The following FRAS1 variants were observed in gnomAD, a reference collection of about 807,000 sequenced individuals.
The protein encoded by FRAS1 is extracellular matrix organizing protein FRAS1.
A neutral mutation model predicts 435.2 loss-of-function variants in FRAS1; 290 were observed. The ratio of observed to expected loss-of-function variants is 0.67; its 90% confidence interval spans 0.61 to 0.73. The LOEUF (loss-of-function observed/expected upper bound fraction) is 0.73. FRAS1 is among the 30% of genes least tolerant of loss of function. FRAS1 has a pLI of 0.00. For missense variants in FRAS1, 4,860 were observed against 5,001.5 expected, an observed-to-expected ratio of 0.97 and a Z score of 0.85; for synonymous variants, 1,800 against 1,851.0, an observed-to-expected ratio of 0.97 and a Z score of 0.71.
chr4:78,065,820 G>T (rs529731297), intron 1 of FRAS1, among the ~76,000 whole-genome samples, 165 bp from the exon 2 acceptor site: 1 of 152,286 alleles, frequency 6.6e-6, no homozygotes, highest in South Asian at 2.1e-4. Context: ...GGTGTATGGG[G>T]TTATTTCCCC....
chr4:78,452,074 C>A lies in FRAS1; in HGVS notation c.6584-101C>A, dbSNP rs1450595929. 21 of 1,335,466 alleles carry A rather than the reference C, an allele frequency of 1.6e-5. No individual in the cohort carries two copies. In the South Asian group the frequency reaches 2.4e-4, roughly 15 times the overall value. 82.7% of individuals were successfully genotyped at this position (1,335,466 alleles called of 1,614,324 possible). A position where few individuals can be genotyped will look rare whatever the true frequency, so the allele number is the denominator to read the frequency against. The stretch of plus-strand genomic sequence containing the variant: ...CTTGGTGTGCTCTCTAACACACAGG[C>A]CTAGAGATGACTCTGACCTTACTTC... On this transcript the variant is annotated intron_variant, in intron 46 of 73. Transcript: ENST00000512123.
At chr4:78,539,511 AAGG>A in intron 73 of FRAS1, 71 bp downstream of exon 73, 3 of 1,164,052 alleles carry the variant, frequency 2.6e-6, no homozygotes, top group Non-Finnish European at 3.7e-6. Context: ...AAAAAAAAAG[AAGG>A]AGGACTGCAA....
intron 20 of FRAS1, among the ~76,000 whole-genome samples, chr4:78,341,599 G>A (rs573570463): frequency 6.6e-6 from 1 of 152,162 alleles, no homozygotes; most frequent in African/African-American, 2.4e-5. Context: ...TGCAAAAATG[G>A]TCTGAGTGGC....
At chr4:78,068,569 T>C (rs1334294101) in intron 2 of FRAS1, 5 of 456,122 alleles carry the variant, frequency 1.1e-5, no homozygotes, top group Admixed American at 2.3e-5. Flanking sequence ...GGATGAGCCA[T>C]TGGAGGTGCC....
At chr4:78,169,773 A>G (rs942410640) in intron 2 of FRAS1, among the ~76,000 whole-genome samples, 1 of 48,884 alleles carries the variant, frequency 2.0e-5, no homozygotes, top group Non-Finnish European at 6.6e-5. Context: ...TTATTTTCAC[A>G]ACTGAAACAA....
chr4:78,515,181 T>G (rs1721167507), intron 65 of FRAS1, among the ~76,000 whole-genome samples: 1 of 152,238 alleles, frequency 6.6e-6, no homozygotes, highest in Middle Eastern at 3.4e-3. Context: ...CAGCATTTGA[T>G]TAAATAATTT....
intron 2 of FRAS1, among the ~76,000 whole-genome samples, chr4:78,084,585 A>ATTCT (rs1741055997): frequency 6.6e-6 from 1 of 152,078 alleles, no homozygotes; most frequent in Non-Finnish European, 1.5e-5. Context: ...CCATCTTTGG[A>ATTCT]TAGTGAGAAC....
chr4:78,066,100 A>G, intron 2 of FRAS1, 84 bp downstream of exon 2: 2 of 902,004 alleles, frequency 2.2e-6, no homozygotes, highest in South Asian at 1.4e-5. Context: ...AGTTGACCCT[A>G]TCATTGTAGA....
chr4:78,391,662 G>T (rs374047457), intron 29 of FRAS1, among the ~76,000 whole-genome samples: 109 of 152,226 alleles, frequency 7.2e-4, no homozygotes, highest in African/African-American at 2.5e-3. Context: ...TCTTTGAGCA[G>T]TATTTTCTGC....
chr4:78,455,855 G>A (rs867698977), intron 47 of FRAS1, among the ~76,000 whole-genome samples: 1 of 152,176 alleles, frequency 6.6e-6, no homozygotes, highest in Non-Finnish European at 1.5e-5. Context: ...GGATATTAGA[G>A]TAAGGAGTTA....
Position 78,321,259 on chromosome 4 carries a change from A to G in FRAS1, c.2137+2273A>G, listed in dbSNP as rs369711187. Reference sequence around the variant, plus strand: ...AGGACAACTGTTGTCCAGGAGCAGAAACTGAGGCTTGAGGAAGTTGAGGTT... The same window carrying G: ...AGGACAACTGTTGTCCAGGAGCAGAGACTGAGGCTTGAGGAAGTTGAGGTT... On this transcript the variant is annotated intron_variant, in intron 18 of 73. Coordinates refer to ENST00000512123, the MANE Select transcript of FRAS1 (RefSeq NM_025074.7). 2.6e-5 allele frequency among the ~76,000 whole-genome samples: 4 copies of G among 152,158 alleles called. No individual in the cohort carries two copies. The East Asian group carries it at 5.8e-4, about 22-fold the overall frequency.
At chr4:78,157,120 C>T (rs1406913243) in intron 2 of FRAS1, among the ~76,000 whole-genome samples, 1 of 152,180 alleles carries the variant, frequency 6.6e-6, no homozygotes, top group Non-Finnish European at 1.5e-5. Flanking sequence ...ACAATGGCCT[C>T]CAGCTGCATC....
intron 2 of FRAS1, among the ~76,000 whole-genome samples, chr4:78,109,425 G>C (rs1386968970): frequency 1.3e-5 from 2 of 151,206 alleles, no homozygotes; most frequent in Non-Finnish European, 2.9e-5. Flanking sequence ...TTCATCCCTG[G>C]GATGCAAGGC....
At chr4:78,415,854 G>T (rs56098972) in intron 32 of FRAS1, among the ~76,000 whole-genome samples, 2 of 152,096 alleles carry the variant, frequency 1.3e-5, no homozygotes, top group Admixed American at 1.3e-4. Context: ...CTACAGGGTA[G>T]AAAACATCCT....
At chr4:78,264,305 G>A (rs1042462837) in intron 6 of FRAS1, among the ~76,000 whole-genome samples, 1 of 152,142 alleles carries the variant, frequency 6.6e-6, no homozygotes, top group Non-Finnish European at 1.5e-5. Flanking sequence ...GAGAATGTAG[G>A]GACATAGAGT....
chr4:78,286,876 ATTTG>A (rs1417549084), intron 14 of FRAS1, among the ~76,000 whole-genome samples: 1 of 152,114 alleles, frequency 6.6e-6, no homozygotes, highest in African/African-American at 2.4e-5. Flanking sequence ...ATATAATTTA[ATTTG>A]TTTGTTTATA....
At chr4:78,095,443 G>A (rs1280994068) in intron 2 of FRAS1, among the ~76,000 whole-genome samples, 2 of 152,220 alleles carry the variant, frequency 1.3e-5, no homozygotes, top group Non-Finnish European at 2.9e-5. Context: ...GGTCACGGGA[G>A]CAGAGGATTA....
chr4:78,129,440 G>T (rs1719568567), intron 2 of FRAS1, among the ~76,000 whole-genome samples: 1 of 152,214 alleles, frequency 6.6e-6, no homozygotes, highest in South Asian at 2.1e-4. Flanking sequence ...TGGGTATATT[G>T]TGGTAAATCC....
At chr4:78,367,443 C>T (rs1367995319) in intron 22 of FRAS1, among the ~76,000 whole-genome samples, 5 of 150,986 alleles carry the variant, frequency 3.3e-5, no homozygotes, top group African/African-American at 4.9e-5. Context: ...AGGAACACAG[C>T]GGCAGGTGGA....
Sources: allele counts gnomAD v4.1 joint callset (sites outside exome capture counted in the v4.1 genomes callset), GRCh38; gene constraint gnomAD v4.1.1; transcripts MANE v1.5; gene names NCBI Gene and HGNC (gene_info 2026-07-23, HGNC 2026-07-21).